Variants in PARD3B observed in about 807,000 individuals in gnomAD.
The protein encoded by PARD3B is partitioning defective 3 homolog B.
In PARD3B, 103 loss-of-function variants were observed where a neutral mutation model predicts 130.2. The observed-to-expected ratio is 0.79, with a 90% confidence interval of 0.67 to 0.93. The LOEUF is 0.93. Ranked by LOEUF, PARD3B falls within the 40% of genes least tolerant of loss-of-function variation. The probability of loss-of-function intolerance (pLI) is 0.00; values close to 1 mark genes in which losing one functional copy is unlikely to be tolerated. For missense variants in PARD3B, 1,609 were observed against 1,499.2 expected (o/e 1.07, Z -1.21); for synonymous variants, 583 against 553.2 (o/e 1.05, Z -0.76).
intron 2 of PARD3B, among the ~76,000 whole-genome samples, chr2:204,821,063 C>T (rs2043333970): frequency 6.6e-6 from 1 of 152,118 alleles, no homozygotes; most frequent in South Asian, 2.1e-4. Flanking sequence ...ACTTTGTCGT[C>T]CAGAAGTTCT....
chr2:204,788,727 G>A (rs1452404007), intron 2 of PARD3B, among the ~76,000 whole-genome samples: 1 of 152,098 alleles, frequency 6.6e-6, no homozygotes, highest in East Asian at 1.9e-4. Context: ...ATATTGAGGT[G>A]AGATGATTGC....
intron 5 of PARD3B, among the ~76,000 whole-genome samples, chr2:205,110,118 C>A (rs73057184): frequency 6.6e-6 from 1 of 151,914 alleles, no homozygotes; most frequent in Non-Finnish European, 1.5e-5. Flanking sequence ...AAATAAATTA[C>A]CCCCGGCTCC....
chr2:205,388,556 G>C (rs920931828), intron 18 of PARD3B, among the ~76,000 whole-genome samples: 1 of 152,134 alleles, frequency 6.6e-6, no homozygotes, highest in Non-Finnish European at 1.5e-5. Flanking sequence ...AGCTCTTTCT[G>C]AATTACAGGT....
intron 2 of PARD3B, among the ~76,000 whole-genome samples, chr2:204,775,630 T>A (rs538423532): frequency 6.6e-6 from 1 of 152,274 alleles, no homozygotes; most frequent in Admixed American, 6.5e-5. Flanking sequence ...ATTTTCTCTG[T>A]CATAATACAG....
intron 2 of PARD3B, among the ~76,000 whole-genome samples, chr2:204,829,796 A>G (rs976546754): frequency 2.6e-5 from 4 of 151,588 alleles, no homozygotes; most frequent in Non-Finnish European, 4.4e-5. Context: ...TCAGGAGATC[A>G]AGACCATCCT....
intron 2 of PARD3B, among the ~76,000 whole-genome samples, chr2:204,939,800 TACCACCTATCCC>T (rs1288872025): frequency 2.0e-5 from 3 of 152,236 alleles, no homozygotes; most frequent in African/African-American, 7.2e-5. Context: ...AGGGAAACCC[TACCACCTATCCC>T]AAATGTATAA....
intron 22 of PARD3B, among the ~76,000 whole-genome samples, chr2:205,580,929 T>C (rs2053941561): frequency 6.6e-6 from 1 of 152,190 alleles, no homozygotes; most frequent in Non-Finnish European, 1.5e-5. Flanking sequence ...ATAGTGACAG[T>C]GACTTACAAT....
At chr2:205,442,995 T>C (rs2047775891) in intron 20 of PARD3B, among the ~76,000 whole-genome samples, 1 of 152,176 alleles carries the variant, frequency 6.6e-6, no homozygotes, top group Admixed American at 6.5e-5. Flanking sequence ...TGTGACTCTT[T>C]ATACTCAGAA....
intron 3 of PARD3B, among the ~76,000 whole-genome samples, chr2:205,003,479 C>G (rs1259870324): frequency 6.6e-6 from 1 of 152,076 alleles, no homozygotes; most frequent in East Asian, 1.9e-4. Context: ...AGGGCTTCCC[C>G]CTGATGGTGT....
At chr2:204,577,614 C>G (rs1014717473) in intron 1 of PARD3B, among the ~76,000 whole-genome samples, 45 of 152,190 alleles carry the variant, frequency 3.0e-4, no homozygotes, top group African/African-American at 1.0e-3. Flanking sequence ...CTTTGTCACT[C>G]AAGCTGGAGT....
intron 3 of PARD3B, among the ~76,000 whole-genome samples, chr2:205,026,563 A>T (rs1338567424): frequency 6.6e-6 from 1 of 152,090 alleles, no homozygotes; most frequent in Non-Finnish European, 1.5e-5. Flanking sequence ...ATCTTCTGTC[A>T]TCAAATTTCA....
chr2:204,785,717 A>T (rs2058988), intron 2 of PARD3B, among the ~76,000 whole-genome samples: 142,771 of 152,310 alleles, frequency 0.94, 67,088 homozygotes, highest in South Asian at 0.97. Flanking sequence ...AAGAAATAGA[A>T]ATGTGTTGAA....
At position 204,678,273 on chromosome 2, in the gene PARD3B, T is replaced by C. The variant is rs1300875300; in HGVS notation, c.121-7908T>C. On this transcript the variant is annotated intron_variant, in intron 1 of 22. Coordinates refer to ENST00000406610, the MANE Select transcript of PARD3B (RefSeq NM_001302769.2). The surrounding 1 kb of genome is among the most constrained non-coding windows in gnomAD (Gnocchi z 4.2). Reference sequence around the variant, plus strand: ...CCGGGCCCGTGGTAGCAATCAGTGGTTGCCCGCAACTTCTGGAGCCCCAGA... The same window carrying C: ...CCGGGCCCGTGGTAGCAATCAGTGGCTGCCCGCAACTTCTGGAGCCCCAGA... 1.3e-5 allele frequency among the ~76,000 whole-genome samples: 2 copies of C among 152,114 alleles called. No individual in the cohort carries two copies. Among genetic ancestry groups the C allele is most frequent in the African/African-American group, 4.8e-5 (2 of 41,420 alleles).
At chr2:205,494,321 G>T (rs1296578875) in intron 20 of PARD3B, among the ~76,000 whole-genome samples, 1 of 152,140 alleles carries the variant, frequency 6.6e-6, no homozygotes, top group African/African-American at 2.4e-5. Flanking sequence ...TCCCACAGTG[G>T]CCAGGGTTTG....
chr2:204,589,156 A>T (rs1334096122), intron 1 of PARD3B, among the ~76,000 whole-genome samples: 1 of 152,184 alleles, frequency 6.6e-6, no homozygotes, highest in East Asian at 1.9e-4. Context: ...ATTATGGCAC[A>T]TGCTCACATG....
chr2:205,065,020 C>G (rs564074677), intron 4 of PARD3B, among the ~76,000 whole-genome samples: 1 of 152,258 alleles, frequency 6.6e-6, no homozygotes, highest in East Asian at 1.9e-4. Context: ...GAATCTGCAT[C>G]TTAGACAAAT....
intron 15 of PARD3B, among the ~76,000 whole-genome samples, chr2:205,194,227 A>T (rs771768809): frequency 6.6e-6 from 1 of 152,236 alleles, no homozygotes; most frequent in Non-Finnish European, 1.5e-5. Flanking sequence ...TGCTCCACCA[A>T]ACGATCTGAT....
At chr2:204,823,545 G>A (rs1241180825) in intron 2 of PARD3B, among the ~76,000 whole-genome samples, 1 of 152,084 alleles carries the variant, frequency 6.6e-6, no homozygotes, top group South Asian at 2.1e-4. Flanking sequence ...GAGGCCCTAG[G>A]TACTGCTTAT....
At chr2:204,736,589 G>A (rs1348422805) in intron 2 of PARD3B, among the ~76,000 whole-genome samples, 1 of 152,110 alleles carries the variant, frequency 6.6e-6, no homozygotes, top group Admixed American at 6.6e-5. Context: ...CTCCATCCAA[G>A]TTGCTGCAAA....
Sources: gnomAD v4.1 joint callset for allele counts (sites outside exome capture counted in the v4.1 genomes callset) on GRCh38, gnomAD v4.1.1 for gene constraint, Gnocchi (gnomAD v3.1) non-coding constraint, MANE v1.5 for transcripts, NCBI Gene and HGNC (gene_info 2026-07-23, HGNC 2026-07-21) for gene names.